Variants in TMEM52B observed in about 807,000 individuals in gnomAD.
TMEM52B encodes the protein transmembrane protein 52B.
A neutral mutation model predicts 16.1 loss-of-function variants in TMEM52B; 11 were observed. The observed-to-expected ratio is 0.68, with a 90% CI of 0.43 to 1.13. The LOEUF (loss-of-function observed/expected upper bound fraction) is 1.13. Ranked by LOEUF, TMEM52B falls within the 50% of genes most tolerant of loss-of-function variation. The probability of loss-of-function intolerance (pLI) is 0.00; values close to 1 mark genes in which losing one functional copy is unlikely to be tolerated. For synonymous variants in TMEM52B, 101 were observed against 93.8 expected (o/e 1.08, Z -0.45); for missense variants, 243 against 230.4 (o/e 1.05, Z -0.35).
upstream of TMEM52B, among the ~76,000 whole-genome samples, chr12:10,177,337 C>T (rs1196504867): frequency 6.6e-6 from 1 of 152,152 alleles, no homozygotes; most frequent in Non-Finnish European, 1.5e-5. Context: ...GCCATTTTCT[C>T]ATTATTTGTT....
chr12:10,175,972 T>C (rs1373168981), upstream of TMEM52B, among the ~76,000 whole-genome samples: 1 of 152,254 alleles, frequency 6.6e-6, no homozygotes, highest in Non-Finnish European at 1.5e-5. Flanking sequence ...CCCTGAAGCA[T>C]AGGTGTAAAA....
chr12:10,173,989 C>A (rs1289202823), intron 1 of TMEM52B, among the ~76,000 whole-genome samples: 2 of 152,142 alleles, frequency 1.3e-5, no homozygotes. Flanking sequence ...TTTTCATCTT[C>A]CCCAACTGAA....
chr12:10,176,381 G>T (rs1230979567), upstream of TMEM52B, among the ~76,000 whole-genome samples: 1 of 152,098 alleles, frequency 6.6e-6, no homozygotes, highest in East Asian at 1.9e-4. Context: ...AACCTATTTT[G>T]TTCAAACCTG....
chr12:10,190,017 C>T lies in TMEM52B; in HGVS notation c.429C>T (p.His143=), dbSNP rs1948939150. 4.3e-6 allele frequency: 7 copies of T among 1,614,206 alleles called. No individual in the cohort carries two copies. In the East Asian group the frequency reaches 8.9e-5, roughly 21 times the overall value. The change falls in exon 5 of 5, where the codon CAC becomes CAT. Residue 143 remains histidine (H), a synonymous_variant. Transcript: ENST00000543484. The stretch of plus-strand genomic sequence containing the variant: ...TCCCAGGGTATGAAGAAGCTCTTCA[C>T]ATGAGTCGCTTCACAGTAGCCATGT... The part of the protein sequence containing the change: ...DTLPGYEEAL[H]MSRFTVAMCG...
chr12:10,180,034 G>A (rs924916742), intron 1 of TMEM52B, among the ~76,000 whole-genome samples: 3 of 152,194 alleles, frequency 2.0e-5, no homozygotes, highest in South Asian at 2.1e-4. Context: ...CAGTTTAGGT[G>A]CCTCTAGTCT....
At chr12:10,175,538 T>A (rs1322404541), upstream of TMEM52B, 2 of 152,270 alleles carry the variant, frequency 1.3e-5, no homozygotes, top group African/African-American at 2.4e-5. Flanking sequence ...TTTGTGGTGA[T>A]GTGTTACACA....
In TMEM52B at chr12:10,190,077, T is replaced by A; in HGVS notation, c.489T>A (p.Pro163=). 6.2e-7 allele frequency: 1 copy of A among 1,614,122 alleles called. No homozygotes were observed. The highest frequency in any genetic ancestry group is 8.5e-7 in the Non-Finnish European group (1 of 1,180,016). The change falls in exon 5 of 5, where the codon CCT becomes CCA. Residue 163 remains proline, a synonymous_variant. Coordinates refer to ENST00000543484, the MANE Select transcript of TMEM52B (RefSeq NM_001384896.1). ...GQKAPDLPPV[P]EEKQLPPTEK... ...AAGCACCTGATCTACCCCCAGTACC[T>A]GAAGAAAAGCAGCTGCCTCCAACAG... is the stretch of plus-strand genomic sequence containing the variant.
At chr12:10,173,763 TAAA>T (rs5796383) in intron 1 of TMEM52B, among the ~76,000 whole-genome samples, 24 of 130,318 alleles carry the variant, frequency 1.8e-4, no homozygotes, top group Admixed American at 1.1e-3. Flanking sequence ...AGACTCCCTT[TAAA>T]AAAAAAAAAA....
At chr12:10,178,293 G>A (rs1247864078), upstream of TMEM52B, among the ~76,000 whole-genome samples, 1 of 151,920 alleles carries the variant, frequency 6.6e-6, no homozygotes, top group African/African-American at 2.4e-5. Flanking sequence ...GAGTCGGGCG[G>A]ATCATGAGGT....
chr12:10,185,449 A>G, intron 3 of TMEM52B, 81 bp downstream of exon 3: 5 of 1,037,254 alleles, frequency 4.8e-6, no homozygotes, highest in Non-Finnish European at 7.6e-6. Flanking sequence ...CTTACTTAGC[A>G]TCTCATGGAG....
chr12:10,184,778 G>C (rs17808125), intron 2 of TMEM52B, among the ~76,000 whole-genome samples: 12,136 of 151,802 alleles, frequency 0.08, 609 homozygotes, highest in Middle Eastern at 0.13. Context: ...CAAGCCTTAA[G>C]TTTCACATCC....
In TMEM52B at chr12:10,180,829, G is replaced by C. The variant is rs1591988935; in HGVS notation, c.54+1201G>C. Among the ~76,000 whole-genome samples, 5 of 152,294 alleles carry C rather than the reference G, an allele frequency of 3.3e-5. No homozygotes were observed. In the South Asian group the frequency reaches 1.0e-3, roughly 32 times the overall value. ...TTGTTGTTGTTGTTGTTTTTAAACG[G>C]AGTTTTGCCCTTGTTACCCAGGCTG... On this transcript the variant is annotated intron_variant, in intron 1 of 4. Transcript: ENST00000543484.
chr12:10,171,095 A>G (rs1030543132), intron 1 of TMEM52B, among the ~76,000 whole-genome samples: 11 of 152,322 alleles, frequency 7.2e-5, no homozygotes, highest in Admixed American at 5.9e-4. Flanking sequence ...ACTATTGTTC[A>G]CTTCTGGTTT....
At chr12:10,183,293 C>T (rs1948844004) in intron 2 of TMEM52B, among the ~76,000 whole-genome samples, 1 of 152,138 alleles carries the variant, frequency 6.6e-6, no homozygotes, top group Non-Finnish European at 1.5e-5. Flanking sequence ...GCCTTGATTA[C>T]CTGTCACATG....
chr12:10,172,216 G>T, intron 1 of TMEM52B: 2 of 618,442 alleles, frequency 3.2e-6, no homozygotes, highest in Non-Finnish European at 5.6e-6. Context: ...TAGGAGGAAG[G>T]AGAGGCTTTG....
At chr12:10,187,099 G>T (rs1229450906) in intron 4 of TMEM52B, among the ~76,000 whole-genome samples, 4 of 82,178 alleles carry the variant, frequency 4.9e-5, no homozygotes, top group East Asian at 3.5e-4. Context: ...TTCCATGACG[G>T]TTTTTTTTTT....
chr12:10,186,738 GA>G (rs1407163897), intron 4 of TMEM52B, 149 bp downstream of exon 4: 1 of 773,230 alleles, frequency 1.3e-6, no homozygotes, highest in Non-Finnish European at 1.8e-6. Context: ...ATGGTGCAGT[GA>G]CCTGGGCTGT....
intron 1 of TMEM52B, 49 bp from the exon 2 acceptor site, chr12:10,182,501 A>C (rs1948836071): frequency 9.2e-6 from 14 of 1,527,178 alleles, no homozygotes; most frequent in Non-Finnish European, 1.2e-5. Context: ...GCAGCTGAAC[A>C]CAGTGGCCAA....
chr12:10,175,962 C>T (rs1948762500), upstream of TMEM52B, among the ~76,000 whole-genome samples: 1 of 152,206 alleles, frequency 6.6e-6, no homozygotes, highest in African/African-American at 2.4e-5. Context: ...TATAACAATT[C>T]CCTGAAGCAT....
Sources: gnomAD v4.1 joint callset for allele counts (sites outside exome capture counted in the v4.1 genomes callset) on GRCh38, gnomAD v4.1.1 for gene constraint, MANE v1.5 for transcripts, NCBI Gene and HGNC (gene_info 2026-07-23, HGNC 2026-07-21) for gene names.